The following IGFN1 variants were observed in gnomAD, a reference collection of about 807,000 sequenced individuals.
The protein encoded by IGFN1 is immunoglobulin like and fibronectin type III domain containing 1.
A neutral mutation model predicts 289.5 loss-of-function variants in IGFN1; 253 were observed. The ratio of observed to expected loss-of-function variants is 0.87; its 90% CI spans 0.79 to 0.97. The LOEUF is 0.97. IGFN1 is among the 50% of genes least tolerant of loss of function. The pLI, the probability that IGFN1 is intolerant of heterozygous loss-of-function variation, is 0.00. For synonymous variants in IGFN1, 1,706 were observed against 1,788.5 expected, an observed-to-expected ratio of 0.95 and a Z score of 1.16; for missense variants, 4,470 against 4,686.1, an observed-to-expected ratio of 0.95 and a Z score of 1.35.
intron 18 of IGFN1, 94 bp from the exon 19 acceptor site, chr1:201,221,350 T>A (rs958789102): frequency 1.9e-5 from 19 of 997,020 alleles, no homozygotes; most frequent in Admixed American, 9.3e-5. Flanking sequence ...GTGAAAACAA[T>A]TCCCAGTCTC....
intron 18 of IGFN1, among the ~76,000 whole-genome samples, chr1:201,219,808 T>C (rs1234578194): frequency 6.6e-6 from 1 of 152,148 alleles, no homozygotes; most frequent in Non-Finnish European, 1.5e-5. Flanking sequence ...GTTTTAGTCC[T>C]AGGAAGGGCA....
Position 201,212,254 on chromosome 1 carries a change from G to A in IGFN1, c.7361G>A (p.Arg2454Gln), listed in dbSNP as rs529796535. The A allele has an allele frequency of 1.2e-4, 180 of 1,535,488 alleles. 1 individual carries two copies. In the African/African-American group the frequency reaches 1.6e-3, roughly 14 times the overall value. Residue 2454 changes from arginine (R) to glutamine (Q), a missense_variant, in exon 12 of 24, where the codon CGA (arginine) becomes CAA (glutamine). Physicochemically the swap from Arg to Gln is conservative, Grantham distance 43. Transcript: ENST00000335211. ...GTGVLGSQGG[R>Q]QTLSDERGST... ...GGGGTGCTGGGGTCTCAGGGAGGGC[G>A]ACAGACTCTTTCAGATGAGCGAGGC...
chr1:201,225,959 A>G lies in IGFN1; in HGVS notation c.10622A>G (p.His3541Arg). ...HYAVFTRSSAHGPWHEAADRI... is the reference protein window; with the variant it reads ...HYAVFTRSSARGPWHEAADRI... The stretch of plus-strand genomic sequence containing the variant: ...GCGGTGTTCACACGCTCCTCAGCGC[A>G]CGGTCCCTGGCACGAGGCAGCCGAC... Residue 3541 changes from histidine to arginine, a missense_variant, in exon 22 of 24, where the codon CAC (histidine) becomes CGC (arginine). His to Arg is a conservative substitution (Grantham distance 29). Around this residue, in one of 8 missense-constraint regions of IGFN1, gnomAD observed 2,218 missense variants for 2,114.1 expected, o/e 1.05. Coordinates refer to ENST00000335211, the MANE Select transcript of IGFN1 (RefSeq NM_001164586.2). 7.5e-6 allele frequency: 12 copies of G among 1,591,272 alleles called. No homozygotes were observed. The highest frequency in any genetic ancestry group is 9.4e-6 in the Non-Finnish European group (11 of 1,167,782).
chr1:201,215,879 C>T (rs1486658816), intron 15 of IGFN1, 41 bp downstream of exon 15: 6 of 1,581,020 alleles, frequency 3.8e-6, no homozygotes, highest in Non-Finnish European at 5.2e-6. Context: ...CTGAGAGTCC[C>T]TGGGGTTCTG....
rs1667406667 is a variant in IGFN1, at chr1:201,206,150, A to T, written c.1257A>T (p.Ala419=). 1 of 1,550,890 alleles carries T rather than the reference A, an allele frequency of 6.4e-7. No individual in the cohort carries two copies. The part of the protein sequence containing the change: ...DHKLQRQGAQ[A]SGAEESGSIE... Reference sequence around the variant, plus strand: ...AACTGCAGAGGCAAGGAGCCCAGGCATCAGGAGCAGAAGAGTCTGGGAGCA... The same window carrying T: ...AACTGCAGAGGCAAGGAGCCCAGGCTTCAGGAGCAGAAGAGTCTGGGAGCA... The change falls in exon 12 of 24, where the codon GCA becomes GCT. Residue 419 remains alanine, a synonymous_variant. Transcript: ENST00000335211.
chr1:201,211,494 G>T lies in IGFN1; in HGVS notation c.6601G>T (p.Gly2201Trp). 8 of 1,502,204 alleles carry T rather than the reference G, an allele frequency of 5.3e-6. No homozygotes were observed. The highest frequency in any genetic ancestry group is 4.2e-5 in the African/African-American group (3 of 71,304). The allele number at this position is 1,502,204 out of a possible 1,614,324, so 93.1% of individuals were successfully genotyped here. Residue 2201 changes from glycine (G) to tryptophan (W), a missense_variant, in exon 12 of 24, where the codon GGG becomes TGG. This residue lies in a region of IGFN1 where 2,218 missense variants were observed against 2,114.1 expected (regional missense o/e 1.05). Transcript: ENST00000335211. ...GSKAGFRDGL[G>W]GSEEMGSVNK... The stretch of plus-strand genomic sequence containing the variant: ...TAAGGCAGGTTTCAGGGATGGTTTA[G>T]GGGGTTCTGAAGAAATGGGGTCAGT...
chr1:201,225,277 C>A (rs993110458), intron 21 of IGFN1, among the ~76,000 whole-genome samples: 3 of 152,234 alleles, frequency 2.0e-5, no homozygotes, highest in African/African-American at 7.2e-5. Flanking sequence ...CCTGGAGGAG[C>A]TTCTGGATAT....
rs1192473478 is a variant in IGFN1, at chr1:201,206,349, G to A, written c.1456G>A (p.Gly486Arg). The change falls in exon 12 of 24, where the codon GGA becomes AGA. Residue 486 changes from glycine to arginine, a missense_variant. Physicochemically the swap from Gly to Arg is moderately radical, Grantham distance 125. This residue lies in a region of IGFN1 where 2,011 missense variants were observed against 1,953.4 expected (regional missense o/e 1.03). Transcript: ENST00000335211. ...KGTADSAWGP[G>R]QEGEGFPVAE... ...GACAGCTGACTCAGCCTGGGGCCCTGGACAGGAGGGCGAGGGCTTTCCAGT... is the reference window on the plus strand; with the variant it reads ...GACAGCTGACTCAGCCTGGGGCCCTAGACAGGAGGGCGAGGGCTTTCCAGT... 2 of 1,550,474 alleles carry A rather than the reference G, an allele frequency of 1.3e-6. No homozygotes were observed. The highest frequency in any genetic ancestry group is 1.7e-6 in the Non-Finnish European group (2 of 1,146,996).
At chr1:201,197,993 C>T (rs937823504) in intron 5 of IGFN1, among the ~76,000 whole-genome samples, 4 of 152,346 alleles carry the variant, frequency 2.6e-5, no homozygotes, top group Middle Eastern at 3.4e-3. Context: ...CTGATTCCTT[C>T]GTTCCCACTG....
rs747956879 is a variant in IGFN1, at chr1:201,209,648, G to C, written c.4755G>C (p.Arg1585Ser). 1 of 1,536,438 alleles carries C rather than the reference G, an allele frequency of 6.5e-7. No individual in the cohort carries two copies. The highest frequency in any genetic ancestry group is 1.4e-5 in the African/African-American group (1 of 73,122). The change falls in exon 12 of 24, where the codon AGG becomes AGC. Residue 1585 changes from arginine (R) to serine (S), a missense_variant. Coordinates refer to ENST00000335211, the MANE Select transcript of IGFN1 (RefSeq NM_001164586.2). ...GMGSGSKASF[R>S]DGLGGSGEMG... is the part of the protein sequence containing the mutation. ...GTTCAGGGAGTAAGGCAAGTTTTAG[G>C]GATGGTTTAGGAGGTTCTGGAGAAA... is the stretch of plus-strand genomic sequence containing the variant.
intron 18 of IGFN1, 26 bp downstream of exon 18, chr1:201,218,684 G>C: frequency 6.3e-7 from 1 of 1,592,608 alleles, no homozygotes; most frequent in Non-Finnish European, 8.5e-7. Context: ...ACCCAGGATG[G>C]GGGTGGAGGT....
chr1:201,201,858 G>A (rs1158892752), intron 9 of IGFN1, 26 bp downstream of exon 9: 1 of 960,764 alleles, frequency 1.0e-6, no homozygotes, highest in Non-Finnish European at 1.6e-6. Flanking sequence ...CTATGGGTGG[G>A]GGGGATCTGG....
chr1:201,206,348 T>C lies in IGFN1; in HGVS notation c.1455T>C (p.Pro485=), dbSNP rs1476434359. The C allele has an allele frequency of 6.5e-7, 1 of 1,550,254 alleles. No individual in the cohort carries two copies. Among genetic ancestry groups the C allele is most frequent in the African/African-American group, 1.4e-5 (1 of 73,010 alleles). The stretch of plus-strand genomic sequence containing the variant: ...GGACAGCTGACTCAGCCTGGGGCCC[T>C]GGACAGGAGGGCGAGGGCTTTCCAG... ...DKGTADSAWG[P]GQEGEGFPVA... Residue 485 remains proline (P), a synonymous_variant, in exon 12 of 24, where the codon CCT becomes CCC. Transcript: ENST00000335211.
intron 15 of IGFN1, chr1:201,216,191 G>A: frequency 1.7e-5 from 10 of 602,140 alleles, no homozygotes; most frequent in South Asian, 1.4e-4. Context: ...GCCACCGGAC[G>A]GTGGGGCCGG....
rs1441424443 is a variant in IGFN1 at position 201,199,622 on chromosome 1, G to A, written c.426G>A (p.Glu142=). The part of the protein sequence containing the change: ...HREPQEDLRK[E]LMDFRKLLKK... ...CTCCTTTTTCAGACCTCAGGAAGGAGCTGATGGACTTCCGGAAGTTGCTGA... is the reference window on the plus strand; with the variant it reads ...CTCCTTTTTCAGACCTCAGGAAGGAACTGATGGACTTCCGGAAGTTGCTGA... The change falls in exon 7 of 24, where the codon GAG becomes GAA. Residue 142 remains glutamate (E), a synonymous_variant. Transcript: ENST00000335211. 2 of 1,551,474 alleles carry A rather than the reference G, an allele frequency of 1.3e-6. No individual in the cohort carries two copies. Among genetic ancestry groups the A allele is most frequent in the South Asian group, 2.4e-5 (2 of 84,032 alleles).
At position 201,211,684 on chromosome 1, in the gene IGFN1, G is replaced by A. The variant is rs540272590; in HGVS notation, c.6791G>A (p.Ser2264Asn). 1.3e-5 allele frequency: 20 copies of A among 1,536,872 alleles called. No individual in the cohort carries two copies. The highest frequency in any genetic ancestry group is 1.7e-5 in the Non-Finnish European group (20 of 1,146,782). The part of the protein sequence containing the change: ...LGAPEEMGSG[S>N]YTDYRNGLGS... ...GCTCCTGAGGAAATGGGTTCAGGCA[G>A]TTACACAGATTACAGGAATGGTTTA... The change falls in exon 12 of 24, where the codon AGT becomes AAT. Residue 2264 changes from serine to asparagine, a missense_variant. Coordinates refer to ENST00000335211, the MANE Select transcript of IGFN1 (RefSeq NM_001164586.2).
intron 15 of IGFN1, chr1:201,216,069 C>G (rs1558154403): frequency 1.4e-6 from 1 of 712,758 alleles, no homozygotes; most frequent in Non-Finnish European, 2.6e-6. Flanking sequence ...TTATGCTTCT[C>G]TGACCCCAAT....
Position 201,208,776 on chromosome 1 carries a change from C to A in IGFN1, c.3883C>A (p.Pro1295Thr), listed in dbSNP as rs1667560833. 1.3e-6 allele frequency: 2 copies of A among 1,536,148 alleles called. No homozygotes were observed. Among genetic ancestry groups the A allele is most frequent in the African/African-American group, 2.7e-5 (2 of 72,750 alleles). The stretch of plus-strand genomic sequence containing the variant: ...AGGTTATAAGAAAGATTTGGGGGCT[C>A]CTGAGAATATGGGTTCGGGGAGCAA... ...KEGYKKDLGAPENMGSGSKAD... is the reference protein window; with the variant it reads ...KEGYKKDLGATENMGSGSKAD... The change falls in exon 12 of 24, where the codon CCT (proline) becomes ACT (threonine). Residue 1295 changes from proline (P) to threonine (T), a missense_variant. Coordinates refer to ENST00000335211, the MANE Select transcript of IGFN1 (RefSeq NM_001164586.2).
chr1:201,199,515 G>T, intron 6 of IGFN1, 94 bp from the exon 7 acceptor site: 1 of 1,433,060 alleles, frequency 7.0e-7, no homozygotes, highest in Non-Finnish European at 9.6e-7. Context: ...CCTTCCAAAG[G>T]CTCAGTTGTC....
Sources: gnomAD v4.1 joint callset for allele counts (sites outside exome capture counted in the v4.1 genomes callset) on GRCh38, gnomAD v4.1.1 for gene constraint, gnomAD v4.1.1 regional missense constraint, MANE v1.5 for transcripts, NCBI Gene and HGNC (gene_info 2026-07-23, HGNC 2026-07-21) for gene names.